FCER1G: variants seen among roughly 807,000 people sequenced by gnomAD.
FCER1G encodes high affinity immunoglobulin epsilon receptor subunit gamma.
FCER1G carries 7 observed loss-of-function variants against 17.3 expected under a neutral mutation model. That is an observed-to-expected ratio of 0.40 (90% CI 0.23 to 0.76). FCER1G has a LOEUF of 0.76. Ranked by LOEUF, FCER1G falls within the 30% of genes least tolerant of loss-of-function variation. FCER1G has a pLI of 0.35. For missense variants in FCER1G, 87 were observed against 97.7 expected (o/e 0.89, Z 0.46); for synonymous variants, 35 against 38.7 (o/e 0.90, Z 0.35).
intron 1 of FCER1G, among the ~76,000 whole-genome samples, chr1:161,216,319 A>AT (rs1292835115): frequency 6.6e-6 from 1 of 151,604 alleles, no homozygotes; most frequent in Non-Finnish European, 1.5e-5. Context: ...CTCAAAAAAA[A>AT]AAAAAAGATT....
chr1:161,216,618 T>G (rs1666060914), intron 1 of FCER1G, among the ~76,000 whole-genome samples: 1 of 152,160 alleles, frequency 6.6e-6, no homozygotes, highest in African/African-American at 2.4e-5. Context: ...TCCAGAGACC[T>G]GAGCGTCAGC....
Position 161,215,355 on chromosome 1 carries a change from T to C in FCER1G, c.34T>C (p.Leu12=), listed in dbSNP as rs757454880. The C allele has an allele frequency of 8.1e-6, 13 of 1,613,624 alleles. No homozygotes were observed. Among genetic ancestry groups the C allele is most frequent in the Admixed American group, 3.3e-5 (2 of 59,984 alleles). Residue 12 remains leucine, a synonymous_variant, in exon 1 of 5, where the codon TTG becomes CTG. Transcript: ENST00000289902. Reference sequence around the variant, plus strand: ...AGCAGTGGTCTTGCTCTTACTCCTTTTGGTTGAACAAGCAGGTAAGAGGGT... The same window carrying C: ...AGCAGTGGTCTTGCTCTTACTCCTTCTGGTTGAACAAGCAGGTAAGAGGGT... ...IPAVVLLLLL[L]VEQAAALGEP...
intron 1 of FCER1G, among the ~76,000 whole-genome samples, chr1:161,216,355 T>C (rs1448090837): frequency 6.9e-6 from 1 of 145,300 alleles, no homozygotes; most frequent in Non-Finnish European, 1.5e-5. Flanking sequence ...TATCTATCTA[T>C]CTATATACAC....
At chr1:161,217,903 C>T (rs545951957) in intron 1 of FCER1G, 83 bp from the exon 2 acceptor site, 4 of 947,674 alleles carry the variant, frequency 4.2e-6, no homozygotes, top group Non-Finnish European at 6.9e-6. Flanking sequence ...TGTCCTACCT[C>T]CCAGAGCCCC....
At chr1:161,215,909 AAGAC>A (rs1466459663) in intron 1 of FCER1G, among the ~76,000 whole-genome samples, 1 of 151,894 alleles carries the variant, frequency 6.6e-6, no homozygotes, top group Non-Finnish European at 1.5e-5. Flanking sequence ...TTATTAAAAA[AAGAC>A]AGGGTCTTAC....
chr1:161,216,923 C>G (rs1666065671), intron 1 of FCER1G, among the ~76,000 whole-genome samples: 1 of 152,132 alleles, frequency 6.6e-6, no homozygotes, highest in Non-Finnish European at 1.5e-5. Flanking sequence ...CGCTGAGGCA[C>G]AAAGGAAAGC....
chr1:161,215,470 C>T, intron 1 of FCER1G, 100 bp downstream of exon 1: 1 of 1,082,290 alleles, frequency 9.2e-7, no homozygotes, highest in South Asian at 1.3e-5. Flanking sequence ...GGAAGGCTGA[C>T]AGTGGGTAGG....
At chr1:161,217,942 C>A (rs1160724352) in intron 1 of FCER1G, 44 bp from the exon 2 acceptor site, 1 of 1,345,082 alleles carries the variant, frequency 7.4e-7, no homozygotes, top group Admixed American at 1.7e-5. Context: ...GTACCAGATC[C>A]TCCCTGATAC....
chr1:161,218,952 T>C lies in FCER1G; in HGVS notation c.*9T>C. The C allele has an allele frequency of 2.5e-6, 4 of 1,608,364 alleles. No homozygotes were observed. The highest frequency in any genetic ancestry group is 3.4e-6 in the Non-Finnish European group (4 of 1,174,764). On this transcript the variant is annotated 3_prime_UTR_variant, in exon 5 of 5. Coordinates refer to ENST00000289902, the MANE Select transcript of FCER1G (RefSeq NM_004106.2). ...AGAAACCACCACAGTAGCTTTAGAA[T>C]AGATGCGGTCATATTCTTCTTTGGC...
Position 161,218,722 on chromosome 1 carries a change from C to A in FCER1G, c.197C>A (p.Thr66Lys). ...TSYEKSDGVY[T>K]GLSTRNQETY... Reference sequence around the variant, plus strand: ...CTGCAGAAATCAGATGGTGTTTACACGGTAAGTGTGCCTACCTCCCCCACC... The same window carrying A: ...CTGCAGAAATCAGATGGTGTTTACAAGGTAAGTGTGCCTACCTCCCCCACC... Residue 66 changes from threonine to lysine, a missense_variant and splice_region_variant, in exon 4 of 5, where the codon ACG becomes AAG. Coordinates refer to ENST00000289902, the MANE Select transcript of FCER1G (RefSeq NM_004106.2). 6.2e-7 allele frequency: 1 copy of A among 1,613,784 alleles called. No individual in the cohort carries two copies. The highest frequency in any genetic ancestry group is 8.5e-7 in the Non-Finnish European group (1 of 1,179,822).
intron 1 of FCER1G, among the ~76,000 whole-genome samples, chr1:161,217,637 C>G (rs1429754809): frequency 6.6e-6 from 1 of 152,078 alleles, no homozygotes; most frequent in African/African-American, 2.4e-5. Context: ...TGGTTTCAGT[C>G]CAGTGGACTC....
chr1:161,218,319 C>T (rs771095015), intron 3 of FCER1G, 43 bp downstream of exon 3: 11 of 1,547,688 alleles, frequency 7.1e-6, no homozygotes, highest in Non-Finnish European at 4.5e-6. Context: ...TTTTCAGACC[C>T]TCAGCCCTCC....
At chr1:161,216,449 G>GAA (rs1287890794) in intron 1 of FCER1G, among the ~76,000 whole-genome samples, 5 of 150,442 alleles carry the variant, frequency 3.3e-5, no homozygotes, top group Non-Finnish European at 5.9e-5. Context: ...GAGAGAGAGA[G>GAA]ATAACCCTTT....
In FCER1G at chr1:161,218,715, G is replaced by A. The variant is rs1558090226; in HGVS notation, c.190G>A (p.Val64Ile). Reference sequence around the variant, plus strand: ...TTTGTCTCTGCAGAAATCAGATGGTGTTTACACGGTAAGTGTGCCTACCTC... The same window carrying A: ...TTTGTCTCTGCAGAAATCAGATGGTATTTACACGGTAAGTGTGCCTACCTC... ...AITSYEKSDG[V>I]YTGLSTRNQE... Residue 64 changes from valine (V) to isoleucine (I), a missense_variant, in exon 4 of 5, where the codon GTT (valine) becomes ATT (isoleucine). Transcript: ENST00000289902. The A allele has an allele frequency of 6.2e-7, 1 of 1,614,018 alleles. No individual in the cohort carries two copies. The highest frequency in any genetic ancestry group is 8.5e-7 in the Non-Finnish European group (1 of 1,179,946).
intron 1 of FCER1G, 34 bp from the exon 2 acceptor site, chr1:161,217,952 C>A (rs531968185): frequency 1.7e-5 from 24 of 1,451,130 alleles, no homozygotes; most frequent in African/African-American, 9.8e-5. Flanking sequence ...CTCCCTGATA[C>A]CCCCGACCCC....
At chr1:161,217,384 A>AC (rs1666072850) in intron 1 of FCER1G, among the ~76,000 whole-genome samples, 1 of 135,584 alleles carries the variant, frequency 7.4e-6, no homozygotes, top group African/African-American at 2.7e-5. Context: ...AAACAGACAC[A>AC]CTTTTTTTTT....
chr1:161,219,222 C>T lies in FCER1G; in HGVS notation c.*279C>T. On this transcript the variant is annotated 3_prime_UTR_variant, in exon 5 of 5. Coordinates refer to ENST00000289902, the MANE Select transcript of FCER1G (RefSeq NM_004106.2). The stretch of plus-strand genomic sequence containing the variant: ...GCTAAAATATGGGAAGGGAGAACCC[C>T]CAATAAAACTGCCATGGACTGGACT... 1 of 494,052 alleles carries T rather than the reference C, an allele frequency of 2.0e-6. No individual in the cohort carries two copies. Among genetic ancestry groups the T allele is most frequent in the Non-Finnish European group, 3.6e-6 (1 of 276,446 alleles). 30.6% of individuals were successfully genotyped at this position (494,052 alleles called of 1,614,324 possible). A position where few individuals can be genotyped will look rare whatever the true frequency, so the allele number is the denominator to read the frequency against.
At chr1:161,217,242 G>A (rs1290021416) in intron 1 of FCER1G, among the ~76,000 whole-genome samples, 2 of 152,096 alleles carry the variant, frequency 1.3e-5, no homozygotes, top group African/African-American at 4.8e-5. Context: ...TTTTTAAATT[G>A]CACAAAACTT....
chr1:161,218,334 G>T (rs1289083983), intron 3 of FCER1G, 58 bp downstream of exon 3: 5 of 1,478,226 alleles, frequency 3.4e-6, no homozygotes, highest in Non-Finnish European at 4.7e-6. Flanking sequence ...CCCTCCTGGG[G>T]CTCTAGCCTG....
Sources: gnomAD v4.1 joint callset for allele counts (sites outside exome capture counted in the v4.1 genomes callset) on GRCh38, gnomAD v4.1.1 for gene constraint, MANE v1.5 for transcripts, NCBI Gene and HGNC (gene_info 2026-07-23, HGNC 2026-07-21) for gene names.